Variants in ZNF554 observed in about 807,000 individuals in gnomAD.
ZNF554 encodes zinc finger protein 554.
In ZNF554, 15 loss-of-function variants were observed where a neutral mutation model predicts 21.2. That is an observed-to-expected ratio of 0.71 (90% CI 0.47 to 1.09). The LOEUF (loss-of-function observed/expected upper bound fraction) is 1.09. Among genes scored for constraint, ZNF554 ranks in the 50% least tolerant of loss-of-function variants. The pLI, the probability that ZNF554 is intolerant of heterozygous loss-of-function variation, is 0.00. For missense variants in ZNF554, 691 were observed against 662.7 expected (o/e 1.04, Z -0.47); for synonymous variants, 258 against 251.4 (o/e 1.03, Z -0.25).
At chr19:2,827,794 T>C (rs2087356044) in intron 3 of ZNF554, 51 bp downstream of exon 3, 3 of 1,605,460 alleles carry the variant, frequency 1.9e-6, no homozygotes, top group East Asian at 4.5e-5. Context: ...ATTTATCTGG[T>C]GTATTAGTCT....
rs113340935 is a variant in ZNF554 at position 2,822,304 on chromosome 19, G to T, written c.54-736G>T. On this transcript the variant is annotated intron_variant, in intron 1 of 4. Transcript: ENST00000317243. ...GGGCTCAAGTGATCCTCGCGCCTCA[G>T]CCTCCCAAAGTGCTGGGATTACAAG... Among the ~76,000 whole-genome samples, 827 of 152,216 alleles carry T rather than the reference G, an allele frequency of 5.4e-3. 8 individuals are homozygous for T. Among genetic ancestry groups the T allele is most frequent in the African/African-American group, 0.019 (782 of 41,546 alleles).
At chr19:2,831,129 ATTTCTCCACATCCT>A (rs2087410836) in intron 3 of ZNF554, 1 of 152,010 alleles carries the variant, frequency 6.6e-6, no homozygotes, top group African/African-American at 2.4e-5. Context: ...GACTGTTGCA[ATTTCTCCACATCCT>A]TGGCAACACT....
intron 4 of ZNF554, 83 bp downstream of exon 4, chr19:2,832,577 G>A: frequency 1.4e-6 from 2 of 1,382,866 alleles, no homozygotes; most frequent in Non-Finnish European, 2.0e-6. Flanking sequence ...ACAAGGCCCT[G>A]ATTCTGTAAG....
Position 2,834,671 on chromosome 19 carries a change from T to C in ZNF554, c.1436T>C (p.Leu479Pro). Residue 479 changes from leucine to proline, a missense_variant, in exon 5 of 5, where the codon CTT (leucine) becomes CCT (proline). By Grantham distance (98) the Leu-to-Pro change is moderately conservative (BLOSUM62 -3). Coordinates refer to ENST00000317243, the MANE Select transcript of ZNF554 (RefSeq NM_001102651.2). ...AGAGCCTTCAGCCAGAGGTCTTCCC[T>C]TGTGAGGCACGAGAGAACTCACACT... ...CGRAFSQRSS[L>P]VRHERTHTGE... 6.2e-7 allele frequency: 1 copy of C among 1,613,996 alleles called. No homozygotes were observed. The highest frequency in any genetic ancestry group is 1.1e-5 in the South Asian group (1 of 91,082).
At chr19:2,829,964 G>A (rs945286532) in intron 3 of ZNF554, among the ~76,000 whole-genome samples, 56 of 151,850 alleles carry the variant, frequency 3.7e-4, no homozygotes, top group Non-Finnish European at 5.6e-4. Context: ...TCGCTCTGTC[G>A]CCCAGGCTGG....
In ZNF554 at chr19:2,823,657, A is replaced by T. The variant is rs141019950; in HGVS notation, c.126+545A>T. On this transcript the variant is annotated intron_variant, in intron 2 of 4. Transcript: ENST00000317243. ...CTCCTCTCTGAAGCTCTCAGCAGGG[A>T]TGGTAGCTCTTCTCTGCCGGCAGAT... Among the ~76,000 whole-genome samples, 888 of 152,168 alleles carry T rather than the reference A, an allele frequency of 5.8e-3. 9 individuals carry two copies. Among genetic ancestry groups the T allele is most frequent in the African/African-American group, 0.02 (841 of 41,508 alleles).
chr19:2,823,046 C>T lies in ZNF554; in HGVS notation c.60C>T (p.Ala20=). Residue 20 remains alanine, a synonymous_variant, in exon 2 of 5, where the codon GCC becomes GCT. Transcript: ENST00000317243. ...GCCTTTTTCCTCCCCACAGCTCTGC[C>T]TGCCCAGGAACCTGCTTTTCCCAAG... is the stretch of plus-strand genomic sequence containing the variant. The part of the protein sequence containing the change: ...RARLPAAQPS[A]CPGTCFSQEE... 7 of 1,613,606 alleles carry T rather than the reference C, an allele frequency of 4.3e-6. No individual in the cohort carries two copies. Among genetic ancestry groups the T allele is most frequent in the Non-Finnish European group, 5.9e-6 (7 of 1,179,628 alleles).
In ZNF554 at chr19:2,832,289, CT is replaced by C; in HGVS notation, c.254-12del. ...TCTTGTGCTACCTCTCAAGTATACT[CT>C]TGTCTTTTTCAGAAGCCTTGAAGAA... On this transcript the variant is annotated splice_polypyrimidine_tract_variant and intron_variant, in intron 3 of 4. Transcript: ENST00000317243. The C allele has an allele frequency of 1.3e-6, 2 of 1,568,896 alleles. No homozygotes were observed. Among genetic ancestry groups the C allele is most frequent in the African/African-American group, 1.4e-5 (1 of 72,652 alleles).
Position 2,829,078 on chromosome 19 carries a change from G to A in ZNF554, c.253+1335G>A, listed in dbSNP as rs1336646399. Reference sequence around the variant, plus strand: ...GTTTTTACTGTGATAAAAAATGTAGGCTGGGCGTGGTGGTTCATGTCTGTA... The same window carrying A: ...GTTTTTACTGTGATAAAAAATGTAGACTGGGCGTGGTGGTTCATGTCTGTA... On this transcript the variant is annotated intron_variant, in intron 3 of 4. Coordinates refer to ENST00000317243, the MANE Select transcript of ZNF554 (RefSeq NM_001102651.2). 2.0e-5 allele frequency among the ~76,000 whole-genome samples: 3 copies of A among 152,154 alleles called. No homozygotes were observed. In the East Asian group the frequency reaches 5.8e-4, roughly 29 times the overall value.
At chr19:2,822,088 T>C (rs2087272056) in intron 1 of ZNF554, among the ~76,000 whole-genome samples, 1 of 150,738 alleles carries the variant, frequency 6.6e-6, no homozygotes, top group African/African-American at 2.4e-5. Context: ...TCTTGCTCCA[T>C]TGCCCAGGCT....
chr19:2,834,828 G>A lies in ZNF554; in HGVS notation c.1593G>A (p.Gln531=). ...KIIDCGKAFY[Q]NRHLIGY ...TTGACTGTGGGAAAGCGTTCTACCA[G>A]AACAGACATCTTATTGGATATTAGC... Residue 531 remains glutamine (Q), a synonymous_variant, in exon 5 of 5, where the codon CAG becomes CAA. Transcript: ENST00000317243. 3 of 1,595,930 alleles carry A rather than the reference G, an allele frequency of 1.9e-6. No homozygotes were observed. The highest frequency in any genetic ancestry group is 2.6e-6 in the Non-Finnish European group (3 of 1,168,358).
chr19:2,825,000 G>GTTTTTT, intron 2 of ZNF554, among the ~76,000 whole-genome samples: 2 of 114,914 alleles, frequency 1.7e-5, no homozygotes, highest in Non-Finnish European at 1.8e-5. Flanking sequence ...CGTGATTGCA[G>GTTTTTT]TTGTTTTTTT....
intron 1 of ZNF554, among the ~76,000 whole-genome samples, chr19:2,820,683 C>CTTTTTTT (rs1568330714): frequency 4.9e-5 from 4 of 81,870 alleles, no homozygotes; most frequent in African/African-American, 2.4e-4. Flanking sequence ...CAGCAAGGGT[C>CTTTTTTT]CTTTTTTTTT....
chr19:2,822,172 T>A (rs1246585067), intron 1 of ZNF554, among the ~76,000 whole-genome samples: 1 of 152,138 alleles, frequency 6.6e-6, no homozygotes, highest in Admixed American at 6.6e-5. Context: ...TGCCTCAGCC[T>A]CCTGAGTAGC....
intron 2 of ZNF554, among the ~76,000 whole-genome samples, chr19:2,823,965 ACTGGGGACCCACCCC>A (rs2087295883): frequency 6.6e-6 from 1 of 152,166 alleles, no homozygotes; most frequent in East Asian, 1.9e-4. Context: ...GTGGGGCCTT[ACTGGGGACCCACCCC>A]CTTCTGCCCA....
At chr19:2,823,267 C>T (rs1391083836) in intron 2 of ZNF554, among the ~76,000 whole-genome samples, 155 bp downstream of exon 2, 5 of 152,082 alleles carry the variant, frequency 3.3e-5, no homozygotes, top group Admixed American at 3.3e-4. Context: ...TCCTGCTGCT[C>T]CCAGGTGTAA....
chr19:2,820,732 T>G (rs1014570312), intron 1 of ZNF554, among the ~76,000 whole-genome samples: 1 of 142,490 alleles, frequency 7.0e-6, no homozygotes, highest in African/African-American at 2.7e-5. Flanking sequence ...TGGCATGATC[T>G]CGGCTCACTG....
At position 2,821,050 on chromosome 19, in the gene ZNF554, C is replaced by T. The variant is rs565218169; in HGVS notation, c.53+926C>T. On this transcript the variant is annotated intron_variant, in intron 1 of 4. Coordinates refer to ENST00000317243, the MANE Select transcript of ZNF554 (RefSeq NM_001102651.2). The surrounding 1 kb of genome is among the most constrained non-coding windows in gnomAD (Gnocchi z 8.2). ...TCTGCTGCTCTAGCAACCCCAACCT[C>T]CCTGAACTCTCCCCTACCCAAACAG... Among the ~76,000 whole-genome samples, 3 of 151,824 alleles carry T rather than the reference C, an allele frequency of 2.0e-5. No homozygotes were observed. The highest frequency in any genetic ancestry group is 7.3e-5 in the African/African-American group (3 of 41,186).
At chr19:2,829,691 A>G (rs768493103) in intron 3 of ZNF554, among the ~76,000 whole-genome samples, 2 of 152,162 alleles carry the variant, frequency 1.3e-5, no homozygotes, top group Non-Finnish European at 2.9e-5. Context: ...GTATCTATCT[A>G]TATATCTCTA....
Sources: allele counts gnomAD v4.1 joint callset (sites outside exome capture counted in the v4.1 genomes callset), GRCh38; gene constraint gnomAD v4.1.1; non-coding constraint Gnocchi (gnomAD v3.1); transcripts MANE v1.5; gene names NCBI Gene and HGNC (gene_info 2026-07-23, HGNC 2026-07-21).